The following FAM161A variants were observed in gnomAD, a reference collection of about 807,000 sequenced individuals.
FAM161A encodes the protein FAM161 centrosomal protein A.
In FAM161A, 57 loss-of-function variants were observed where a neutral mutation model predicts 70.9. The observed-to-expected ratio is 0.80, with a 90% CI of 0.65 to 1.00. The LOEUF (loss-of-function observed/expected upper bound fraction) is 1.00. Among genes scored for constraint, FAM161A ranks in the 50% least tolerant of loss-of-function variants. The pLI is 0.00. For synonymous variants in FAM161A, 299 were observed against 295.7 expected (o/e 1.01, Z -0.12); for missense variants, 880 against 836.0 (o/e 1.05, Z -0.65).
intron 5 of FAM161A, chr2:61,835,760 G>C (rs1267357905): frequency 4.4e-6 from 2 of 452,404 alleles, no homozygotes; most frequent in Admixed American, 7.7e-5. Context: ...AAACTCTTGG[G>C]CTCAAGCAAT....
intron 5 of FAM161A, among the ~76,000 whole-genome samples, chr2:61,835,315 C>T (rs1300904642): frequency 6.6e-6 from 1 of 152,154 alleles, no homozygotes; most frequent in Non-Finnish European, 1.5e-5. Flanking sequence ...AGAAGATGAC[C>T]TAAAATTGAC....
chr2:61,811,196 T>C, the FAM161A span, among the ~76,000 whole-genome samples: 402 of 152,126 alleles, frequency 2.6e-3, 2 homozygotes, highest in African/African-American at 9.3e-3. Context: ...ATTGCAACCA[T>C]CTATTTATTA....
chr2:61,832,940 A>G (rs1672637462), intron 5 of FAM161A, among the ~76,000 whole-genome samples: 1 of 152,160 alleles, frequency 6.6e-6, no homozygotes, highest in African/African-American at 2.4e-5. Flanking sequence ...GGAGCAGGAC[A>G]CTTGTGGGCT....
In FAM161A at chr2:61,826,487, C is replaced by T; in HGVS notation, c.2119G>A (p.Glu707Lys). The T allele has an allele frequency of 6.2e-7, 1 of 1,609,692 alleles. No homozygotes were observed. The highest frequency in any genetic ancestry group is 2.2e-5 in the East Asian group (1 of 44,828). ...GATTCTTCAACAGATTTCTCTTCTT[C>T]ACTTTCCTCATTGGCTTCATCTTTT... ...KEKDEANEES[E>K]EEKSVEESH is the part of the protein sequence containing the mutation. The change falls in exon 7 of 7, where the codon GAA becomes AAA. Residue 707 changes from glutamate (E) to lysine (K), a missense_variant. Transcript: ENST00000404929.
the FAM161A span, among the ~76,000 whole-genome samples, chr2:61,803,961 A>G: frequency 5.3e-5 from 8 of 152,362 alleles, no homozygotes; most frequent in African/African-American, 1.9e-4. Flanking sequence ...TCTACAGTGC[A>G]AAGCAAAAGC....
intron 5 of FAM161A, 186 bp downstream of exon 5, chr2:61,835,824 C>G: frequency 1.7e-6 from 1 of 592,236 alleles, no homozygotes. Context: ...ACCACCACAC[C>G]TGGCTAAATG....
At chr2:61,801,509 A>G in the FAM161A span, among the ~76,000 whole-genome samples, 1 of 151,544 alleles carries the variant, frequency 6.6e-6, no homozygotes, top group Non-Finnish European at 1.5e-5. Context: ...AAAAAAAAAA[A>G]TAGAATTACT....
chr2:61,840,991 G>A (rs1010625528), intron 2 of FAM161A, among the ~76,000 whole-genome samples: 1 of 152,214 alleles, frequency 6.6e-6, no homozygotes, highest in Non-Finnish European at 1.5e-5. Context: ...AATCAGAAGC[G>A]AGGAGCTGGA....
At position 61,853,981 on chromosome 2, in the gene FAM161A, G is replaced by C. The variant is rs1262735760; in HGVS notation, c.61C>G (p.Pro21Ala). Residue 21 changes from proline (P) to alanine (A), a missense_variant, in exon 1 of 7, where the codon CCC (proline) becomes GCC (alanine). By Grantham distance (27) the Pro-to-Ala change is conservative. Coordinates refer to ENST00000404929, the MANE Select transcript of FAM161A (RefSeq NM_001201543.2). ...TGGGCGACCCGCGCTCCAGTGATGGGATTTACCGGGGTCTGGAGACTGGAG... is the reference window on the plus strand; with the variant it reads ...TGGGCGACCCGCGCTCCAGTGATGGCATTTACCGGGGTCTGGAGACTGGAG... ...VASSLQTPVN[P>A]ITGARVAQYE... 2 of 1,613,710 alleles carry C rather than the reference G, an allele frequency of 1.2e-6. No individual in the cohort carries two copies. Among genetic ancestry groups the C allele is most frequent in the Admixed American group, 1.7e-5 (1 of 59,990 alleles).
intron 1 of FAM161A, among the ~76,000 whole-genome samples, chr2:61,846,013 T>C (rs1673196272): frequency 7.0e-6 from 1 of 142,566 alleles, no homozygotes; most frequent in Admixed American, 7.7e-5. Flanking sequence ...CGCTTGAACC[T>C]GGGAGGCAGA....
At chr2:61,824,086 G>C (rs575765193), downstream of FAM161A, among the ~76,000 whole-genome samples, 1 of 151,308 alleles carries the variant, frequency 6.6e-6, no homozygotes, top group South Asian at 2.1e-4. Flanking sequence ...GAGTGCAGTG[G>C]TGCCATCTCG....
chr2:61,831,111 C>CA (rs11366022), intron 5 of FAM161A, among the ~76,000 whole-genome samples: 21,448 of 108,326 alleles, frequency 0.2, 2,092 homozygotes, highest in Middle Eastern at 0.3. Flanking sequence ...GACGCCTTCT[C>CA]AAAAAAAAAA....
At chr2:61,815,635 T>C in the FAM161A span, among the ~76,000 whole-genome samples, 2 of 141,922 alleles carry the variant, frequency 1.4e-5, no homozygotes, top group South Asian at 2.4e-4. Flanking sequence ...ACTGCAACCT[T>C]CGCCTCCCAG....
chr2:61,801,695 G>C, the FAM161A span, among the ~76,000 whole-genome samples: 2 of 151,744 alleles, frequency 1.3e-5, no homozygotes, highest in Non-Finnish European at 2.9e-5. Flanking sequence ...TGAGCAGCTG[G>C]GATTATAGAC....
chr2:61,835,901 C>T (rs1672750569), intron 5 of FAM161A, 109 bp downstream of exon 5: 1 of 798,382 alleles, frequency 1.3e-6, no homozygotes, highest in Admixed American at 2.2e-5. Flanking sequence ...AATAATGTAT[C>T]TCAACAGTTA....
the FAM161A span, among the ~76,000 whole-genome samples, chr2:61,813,853 G>T: frequency 2.0e-5 from 3 of 152,118 alleles, no homozygotes; most frequent in Non-Finnish European, 4.4e-5. Flanking sequence ...CATGGATTAA[G>T]CCCATCCTAT....
At position 61,853,250 on chromosome 2, in the gene FAM161A, C is replaced by T. The variant is rs547263147; in HGVS notation, c.183+609G>A. 2.0e-4 allele frequency among the ~76,000 whole-genome samples: 31 copies of T among 152,200 alleles called. No individual in the cohort carries two copies. In the East Asian group the frequency reaches 3.5e-3, roughly 17 times the overall value. ...TAAGTGAATTGAGCAGATGGCAGAC[C>T]CTGCCCTCTACCTGCTGGACTGGTG... On this transcript the variant is annotated intron_variant, in intron 1 of 6. Transcript: ENST00000404929.
chr2:61,844,694 G>A (rs1673143547), intron 1 of FAM161A, among the ~76,000 whole-genome samples: 2 of 152,122 alleles, frequency 1.3e-5, no homozygotes, highest in Non-Finnish European at 2.9e-5. Context: ...GCAAGACTCT[G>A]TCTCACTTAA....
chr2:61,822,897 A>T (rs530625943), downstream of FAM161A, among the ~76,000 whole-genome samples: 1 of 152,038 alleles, frequency 6.6e-6, no homozygotes, highest in Non-Finnish European at 1.5e-5. Flanking sequence ...GCCTGAAGTT[A>T]ATGATTTTGT....
Sources: allele counts gnomAD v4.1 joint callset (sites outside exome capture counted in the v4.1 genomes callset), GRCh38; gene constraint gnomAD v4.1.1; transcripts MANE v1.5; gene names NCBI Gene and HGNC (gene_info 2026-07-23, HGNC 2026-07-21).